The following FTO variants were observed in gnomAD, a reference collection of about 807,000 sequenced individuals.
FTO encodes the protein alpha-ketoglutarate-dependent dioxygenase FTO.
In FTO, 47 loss-of-function variants were observed where a neutral mutation model predicts 63.9. The ratio of observed to expected loss-of-function variants is 0.74; its 90% CI spans 0.58 to 0.94. The LOEUF (loss-of-function observed/expected upper bound fraction) is 0.94. Among genes scored for constraint, FTO ranks in the 40% least tolerant of loss-of-function variants. The pLI, the probability that FTO is intolerant of heterozygous loss-of-function variation, is 0.00. For missense variants in FTO, 562 were observed against 618.1 expected (o/e 0.91, Z 0.96); for synonymous variants, 207 against 224.4 (o/e 0.92, Z 0.69).
rs563402364 is a variant in FTO, at chr16:53,936,846, C to T, written c.1364+2737C>T. On this transcript the variant is annotated intron_variant, in intron 8 of 8. Coordinates refer to ENST00000471389, the MANE Select transcript of FTO (RefSeq NM_001080432.3). ...TACAACTTCAAGAAATTTAGGTCAA[C>T]GGAGCCGCCGCAGCTGGCAGTAACT... Among the ~76,000 whole-genome samples the T allele has an allele frequency of 1.2e-4, 18 of 152,278 alleles. No individual in the cohort carries two copies. In the South Asian group the frequency reaches 1.9e-3, roughly 16 times the overall value.
At chr16:53,794,225 T>C (rs955576584) in intron 1 of FTO, among the ~76,000 whole-genome samples, 1 of 152,230 alleles carries the variant, frequency 6.6e-6, no homozygotes, top group Non-Finnish European at 1.5e-5. Context: ...CTTTTTATCC[T>C]AAAGAAGTCA....
chr16:53,784,659 G>A (rs1248405777), intron 1 of FTO, among the ~76,000 whole-genome samples: 1 of 152,136 alleles, frequency 6.6e-6, no homozygotes, highest in Non-Finnish European at 1.5e-5. Context: ...AATTGCTGAA[G>A]TGCTAAATTG....
chr16:53,958,226 A>G (rs1163721640), intron 8 of FTO, among the ~76,000 whole-genome samples: 1 of 152,194 alleles, frequency 6.6e-6, no homozygotes, highest in African/African-American at 2.4e-5. Context: ...AGAGAAGGTT[A>G]ACCACTAGCT....
At chr16:53,724,577 C>G (rs2151495708) in intron 1 of FTO, among the ~76,000 whole-genome samples, 1 of 152,356 alleles carries the variant, frequency 6.6e-6, no homozygotes, top group Admixed American at 6.5e-5. Context: ...GGGCTAGCTC[C>G]TCCTCTTGAA....
At chr16:54,010,289 A>G (rs2084305893) in intron 8 of FTO, among the ~76,000 whole-genome samples, 1 of 152,074 alleles carries the variant, frequency 6.6e-6, no homozygotes, top group African/African-American at 2.4e-5. Context: ...GTTCATGCCT[A>G]TAATCCCAGC....
chr16:54,011,795 T>C lies in FTO; in HGVS notation c.1364+77686T>C, dbSNP rs1019156202. ...GACCTGTGATCCGTGATCTTTCATA[T>C]TACTATTGTAATTGTTTTGGGGCAC... On this transcript the variant is annotated intron_variant, in intron 8 of 8. Coordinates refer to ENST00000471389, the MANE Select transcript of FTO (RefSeq NM_001080432.3). Among the ~76,000 whole-genome samples the C allele has an allele frequency of 3.9e-5, 6 of 152,330 alleles. No homozygotes were observed. In the South Asian group the frequency reaches 1.2e-3, roughly 32 times the overall value.
intron 8 of FTO, among the ~76,000 whole-genome samples, chr16:54,041,616 T>G (rs973046781): frequency 2.0e-5 from 3 of 152,146 alleles, no homozygotes; most frequent in African/African-American, 7.2e-5. Flanking sequence ...CAGTATCCTT[T>G]CTGGCTGCCC....
intron 7 of FTO, among the ~76,000 whole-genome samples, chr16:53,894,514 C>T (rs2081229503): frequency 6.6e-6 from 1 of 152,120 alleles, no homozygotes; most frequent in South Asian, 2.1e-4. Flanking sequence ...GTTCAATTAG[C>T]TAAGTTTATT....
intron 4 of FTO, among the ~76,000 whole-genome samples, chr16:53,868,294 T>C (rs1480214374): frequency 2.0e-5 from 3 of 152,152 alleles, no homozygotes; most frequent in Non-Finnish European, 4.4e-5. Context: ...TCTGCTTTTA[T>C]AGTTTTGAGT....
intron 8 of FTO, among the ~76,000 whole-genome samples, chr16:54,020,993 T>A (rs2084585397): frequency 1.3e-5 from 2 of 152,036 alleles, no homozygotes; most frequent in Non-Finnish European, 1.5e-5. Context: ...AAAAAGAATT[T>A]TCCTAGGTTA....
At chr16:53,815,469 C>A (rs1336367496) in intron 2 of FTO, among the ~76,000 whole-genome samples, 1 of 152,050 alleles carries the variant, frequency 6.6e-6, no homozygotes, top group Non-Finnish European at 1.5e-5. Context: ...CACTTTCTGC[C>A]TCCGCAGTTT....
At chr16:53,785,927 A>AAG (rs2077726419) in intron 1 of FTO, among the ~76,000 whole-genome samples, 2 of 151,892 alleles carry the variant, frequency 1.3e-5, no homozygotes, top group Admixed American at 6.6e-5. Flanking sequence ...AAAAAAAAAA[A>AAG]AAAGAAAGTC....
intron 8 of FTO, among the ~76,000 whole-genome samples, chr16:53,998,019 T>G (rs1473253062): frequency 1.3e-5 from 2 of 152,150 alleles, no homozygotes; most frequent in Non-Finnish European, 2.9e-5. Context: ...GCGCACTTCC[T>G]AGGATAGATT....
At chr16:53,965,475 G>T (rs1409432326) in intron 8 of FTO, among the ~76,000 whole-genome samples, 1 of 152,166 alleles carries the variant, frequency 6.6e-6, no homozygotes, top group Admixed American at 6.5e-5. Flanking sequence ...GCATGTTTGG[G>T]TAGGTAGCTT....
In FTO at chr16:53,934,756, T is replaced by C. The variant is rs1243357509; in HGVS notation, c.1364+647T>C. Among the ~76,000 whole-genome samples the C allele has an allele frequency of 4.6e-5, 7 of 152,192 alleles. No individual in the cohort carries two copies. The East Asian group carries it at 1.3e-3, about 29-fold the overall frequency. ...TAAGCATAGCTAAGTATAGAAAAGG[T>C]ACTATAAAAATATGGTGTTATAATC... is the stretch of plus-strand genomic sequence containing the variant. On this transcript the variant is annotated intron_variant, in intron 8 of 8. Transcript: ENST00000471389.
At chr16:53,793,229 C>G (rs917725738) in intron 1 of FTO, among the ~76,000 whole-genome samples, 5 of 152,078 alleles carry the variant, frequency 3.3e-5, no homozygotes. Flanking sequence ...TATAAACCAC[C>G]CTTCCCCAAA....
At chr16:53,976,287 T>G (rs2083437210) in intron 8 of FTO, among the ~76,000 whole-genome samples, 1 of 152,192 alleles carries the variant, frequency 6.6e-6, no homozygotes, top group African/African-American at 2.4e-5. Context: ...TTAATCCACC[T>G]GAACTTTACT....
At chr16:53,968,895 A>T (rs770442479) in intron 8 of FTO, among the ~76,000 whole-genome samples, 1 of 152,232 alleles carries the variant, frequency 6.6e-6, no homozygotes, top group East Asian at 1.9e-4. Flanking sequence ...ACTGTTAGTC[A>T]GTACAGCACA....
intron 8 of FTO, among the ~76,000 whole-genome samples, chr16:53,970,615 A>C (rs891640847): frequency 7.2e-5 from 11 of 151,862 alleles, no homozygotes; most frequent in Non-Finnish European, 1.3e-4. Context: ...AAAGAAAAGA[A>C]AAAAGAAAAA....
Sources: allele counts gnomAD v4.1 joint callset (sites outside exome capture counted in the v4.1 genomes callset), GRCh38; gene constraint gnomAD v4.1.1; transcripts MANE v1.5; gene names NCBI Gene and HGNC (gene_info 2026-07-23, HGNC 2026-07-21).